POU3F3: variants seen among roughly 807,000 people sequenced by gnomAD.
The protein encoded by POU3F3 is POU domain, class 3, transcription factor 3.
Under a neutral mutation model 8.6 loss-of-function variants are expected in POU3F3, and 1 was observed. The ratio of observed to expected loss-of-function variants is 0.12; its 90% CI spans 0.04 to 0.55. The LOEUF is 0.55. POU3F3 is among the 20% of genes least tolerant of loss of function. POU3F3 has a pLI of 0.91. For missense variants in POU3F3, 577 were observed against 690.7 expected, an observed-to-expected ratio of 0.84 and a Z score of 1.84; for synonymous variants, 418 against 327.4, an observed-to-expected ratio of 1.28 and a Z score of -2.99.
chr2:104,919,759 G>T, the POU3F3 span, among the ~76,000 whole-genome samples: 80 of 151,298 alleles, frequency 5.3e-4, no homozygotes, highest in South Asian at 7.6e-3. Context: ...CTTTCCCCTC[G>T]CCTCTTCTCC....
chr2:104,873,994 G>A, the POU3F3 span, among the ~76,000 whole-genome samples: 1 of 152,220 alleles, frequency 6.6e-6, no homozygotes, highest in Non-Finnish European at 1.5e-5. Context: ...TGGAAAGTCC[G>A]AAGAGGCCCG....
chr2:104,857,060 A>C lies in POU3F3; in HGVS notation c.*47A>C, dbSNP rs778552073. 7.4e-6 allele frequency: 10 copies of C among 1,345,060 alleles called. No individual in the cohort carries two copies. Among genetic ancestry groups the C allele is most frequent in the Non-Finnish European group, 9.6e-6 (10 of 1,040,546 alleles). The allele number at this position is 1,345,060 out of a possible 1,614,324, so 83.3% of individuals were successfully genotyped here. On this transcript the variant is annotated 3_prime_UTR_variant, in exon 1 of 1. Coordinates refer to ENST00000361360, the MANE Select transcript of POU3F3 (RefSeq NM_006236.3). ...GGGCCGCCGCCGCCGCCGCCTCCGC[A>C]GCCGCCGTCAGCACCGCCGCCGCCC...
At chr2:104,898,671 A>G in the POU3F3 span, among the ~76,000 whole-genome samples, 2 of 152,222 alleles carry the variant, frequency 1.3e-5, no homozygotes, top group African/African-American at 2.4e-5. Flanking sequence ...AAGTGTTTTT[A>G]AAAAATAAGA....
At chr2:104,906,961 T>G in the POU3F3 span, among the ~76,000 whole-genome samples, 1 of 152,162 alleles carries the variant, frequency 6.6e-6, no homozygotes, top group Non-Finnish European at 1.5e-5. Flanking sequence ...ACAATCTATT[T>G]CTGCGTATCT....
chr2:104,926,152 T>C, the POU3F3 span: 1 of 152,168 alleles, frequency 6.6e-6, no homozygotes, highest in East Asian at 1.9e-4. Flanking sequence ...GAAACTCTCA[T>C]TGGAGTAAAC....
the POU3F3 span, among the ~76,000 whole-genome samples, chr2:104,888,892 AC>A: frequency 3.3e-5 from 5 of 152,190 alleles, no homozygotes; most frequent in African/African-American, 1.2e-4. Flanking sequence ...AAGAGGGGAA[AC>A]CCTTTTTGCA....
At chr2:104,894,744 T>G in the POU3F3 span, among the ~76,000 whole-genome samples, 1 of 152,202 alleles carries the variant, frequency 6.6e-6, no homozygotes, top group East Asian at 1.9e-4. Context: ...AAAATCTGCA[T>G]GGAGATCATT....
downstream of POU3F3, among the ~76,000 whole-genome samples, chr2:104,860,355 AAG>A (rs2104343879): frequency 6.6e-6 from 1 of 152,336 alleles, no homozygotes; most frequent in African/African-American, 2.4e-5. Context: ...TGAAAAACAA[AAG>A]AGGGCAGATA....
At chr2:104,874,697 A>G in the POU3F3 span, among the ~76,000 whole-genome samples, 1 of 152,170 alleles carries the variant, frequency 6.6e-6, no homozygotes, top group Non-Finnish European at 1.5e-5. Flanking sequence ...CAAAACTGTT[A>G]GAGGACTGAG....
chr2:104,867,976 C>A, the POU3F3 span: 3,049 of 273,072 alleles, frequency 0.011, 30 homozygotes, highest in Non-Finnish European at 0.017. The surrounding 1 kb of genome is among the most constrained non-coding windows in gnomAD (Gnocchi z 5.0). Context: ...GCGCCCCCTG[C>A]CACCATAGAA....
Position 104,858,207 on chromosome 2 carries a change from A to G in POU3F3, c.*1194A>G, listed in dbSNP as rs746068232. The G allele has an allele frequency of 9.2e-5, 14 of 152,194 alleles. No individual in the cohort carries two copies. The highest frequency in any genetic ancestry group is 1.9e-4 in the Non-Finnish European group (13 of 68,046). 9.4% of individuals were successfully genotyped at this position (152,194 alleles called of 1,614,324 possible). Reference sequence around the variant, plus strand: ...TGATTGAATGGGTGCTGTGGATGTGATTATATAATACTGCCATTTCCAAGC... The same window carrying G: ...TGATTGAATGGGTGCTGTGGATGTGGTTATATAATACTGCCATTTCCAAGC... On this transcript the variant is annotated 3_prime_UTR_variant, in exon 1 of 1. Transcript: ENST00000361360.
the POU3F3 span, among the ~76,000 whole-genome samples, chr2:104,911,836 G>A: frequency 1.3e-5 from 2 of 152,058 alleles, no homozygotes; most frequent in Admixed American, 1.3e-4. Flanking sequence ...GAGAGAGAGA[G>A]AGAGATGCGA....
the POU3F3 span, among the ~76,000 whole-genome samples, chr2:104,887,048 G>T: frequency 6.6e-6 from 1 of 152,100 alleles, no homozygotes; most frequent in African/African-American, 2.4e-5. Context: ...GCTAAACAAG[G>T]CATGGATTAT....
At chr2:104,859,420 A>G (rs1676630149), downstream of POU3F3, among the ~76,000 whole-genome samples, 1 of 152,220 alleles carries the variant, frequency 6.6e-6, no homozygotes, top group Non-Finnish European at 1.5e-5. Context: ...AAGACGCTAA[A>G]GGCTCGGCTT....
the POU3F3 span, among the ~76,000 whole-genome samples, chr2:104,910,019 A>G: frequency 6.6e-6 from 1 of 152,150 alleles, no homozygotes; most frequent in Non-Finnish European, 1.5e-5. Context: ...AAAACGTCCA[A>G]CCAAGCACTT....
At chr2:104,917,187 T>C in the POU3F3 span, among the ~76,000 whole-genome samples, 1 of 152,202 alleles carries the variant, frequency 6.6e-6, no homozygotes, top group Non-Finnish European at 1.5e-5. Context: ...AGATGGCAGC[T>C]TGTGGGACTT....
At chr2:104,893,287 G>A in the POU3F3 span, among the ~76,000 whole-genome samples, 171 of 152,250 alleles carry the variant, frequency 1.1e-3, 2 homozygotes, top group African/African-American at 3.8e-3. Flanking sequence ...TGGATCCCTC[G>A]TCATTGGACC....
At chr2:104,878,647 A>G in the POU3F3 span, among the ~76,000 whole-genome samples, 6 of 152,228 alleles carry the variant, frequency 3.9e-5, no homozygotes, top group Non-Finnish European at 7.3e-5. Flanking sequence ...AATCCTGCAT[A>G]CAGAAGTTGG....
At chr2:104,875,416 T>C in the POU3F3 span, among the ~76,000 whole-genome samples, 1 of 152,212 alleles carries the variant, frequency 6.6e-6, no homozygotes, top group Non-Finnish European at 1.5e-5. Flanking sequence ...CTTCCATAGT[T>C]TCCCCCAGAA....
Sources: gnomAD v4.1 joint callset for allele counts (sites outside exome capture counted in the v4.1 genomes callset) on GRCh38, gnomAD v4.1.1 for gene constraint, Gnocchi (gnomAD v3.1) non-coding constraint, MANE v1.5 for transcripts, NCBI Gene and HGNC (gene_info 2026-07-23, HGNC 2026-07-21) for gene names.